Variants in ANO3 observed in about 807,000 individuals in gnomAD.
The protein encoded by ANO3 is anoctamin-3.
A neutral mutation model predicts 144.8 loss-of-function variants in ANO3; 99 were observed. The observed-to-expected ratio is 0.68, with a 90% CI of 0.58 to 0.81. The LOEUF is 0.81. Ranked by LOEUF, ANO3 falls within the 30% of genes least tolerant of loss-of-function variation. The probability of loss-of-function intolerance (pLI) is 0.00; values close to 1 mark genes in which losing one functional copy is unlikely to be tolerated. For synonymous variants in ANO3, 414 were observed against 392.6 expected, an observed-to-expected ratio of 1.05 and a Z score of -0.64; for missense variants, 905 against 1,202.2, an observed-to-expected ratio of 0.75 and a Z score of 3.66.
intron 1 of ANO3, among the ~76,000 whole-genome samples, chr11:26,422,567 T>G (rs796350785): frequency 4.6e-5 from 7 of 152,140 alleles, no homozygotes; most frequent in African/African-American, 1.7e-4. Flanking sequence ...GTTCTGCATG[T>G]AAGAAAGGAC....
intron 17 of ANO3, among the ~76,000 whole-genome samples, chr11:26,614,290 A>G (rs2132976869): frequency 6.6e-6 from 1 of 152,306 alleles, no homozygotes; most frequent in Admixed American, 6.5e-5. Flanking sequence ...CTGTTCAGCC[A>G]CTTTCCTGCT....
At chr11:26,523,448 A>G (rs1374632609) in intron 6 of ANO3, among the ~76,000 whole-genome samples, 1 of 152,206 alleles carries the variant, frequency 6.6e-6, no homozygotes, top group African/African-American at 2.4e-5. Context: ...TCTCACAGAA[A>G]TGGACAGGGG....
intron 1 of ANO3, among the ~76,000 whole-genome samples, chr11:26,318,095 C>G (rs907337634): frequency 6.6e-6 from 1 of 152,016 alleles, no homozygotes; most frequent in Non-Finnish European, 1.5e-5. Context: ...ACATCACACA[C>G]CAGGGCCTGT....
intron 4 of ANO3, among the ~76,000 whole-genome samples, chr11:26,504,676 G>A (rs960317811): frequency 3.3e-5 from 5 of 152,138 alleles, no homozygotes; most frequent in African/African-American, 4.8e-5. Context: ...CTATAATGTC[G>A]AGAATCATTG....
At chr11:26,363,316 C>T (rs1199980601) in intron 1 of ANO3, among the ~76,000 whole-genome samples, 1 of 152,064 alleles carries the variant, frequency 6.6e-6, no homozygotes, top group South Asian at 2.1e-4. Flanking sequence ...TTAGAGATGC[C>T]ATAACAAAAT....
intron 1 of ANO3, among the ~76,000 whole-genome samples, chr11:26,267,585 G>A (rs1204718465): frequency 1.3e-5 from 2 of 152,114 alleles, no homozygotes; most frequent in Non-Finnish European, 2.9e-5. Flanking sequence ...ATCACTATCA[G>A]CTAAGAGAGT....
intron 17 of ANO3, among the ~76,000 whole-genome samples, chr11:26,624,252 AC>A (rs1213672998): frequency 6.6e-6 from 1 of 152,266 alleles, no homozygotes; most frequent in Non-Finnish European, 1.5e-5. Flanking sequence ...ATATACGTGT[AC>A]ACACATTTAC....
At chr11:26,213,175 C>T (rs774413354) in intron 1 of ANO3, among the ~76,000 whole-genome samples, 10 of 152,122 alleles carry the variant, frequency 6.6e-5, no homozygotes, top group Non-Finnish European at 1.0e-4. Context: ...CAGCCAGTAT[C>T]ATACTAAATG....
chr11:26,356,655 T>C (rs1590288000), intron 1 of ANO3, among the ~76,000 whole-genome samples: 1 of 152,358 alleles, frequency 6.6e-6, no homozygotes, highest in South Asian at 2.1e-4. Flanking sequence ...CACAAATTAG[T>C]GAATTAAACA....
At chr11:26,302,754 GC>G (rs1244481864) in intron 1 of ANO3, among the ~76,000 whole-genome samples, 2 of 152,078 alleles carry the variant, frequency 1.3e-5, no homozygotes, top group Non-Finnish European at 2.9e-5. Flanking sequence ...TATATTTTCA[GC>G]TTTTGTATGG....
intron 9 of ANO3, among the ~76,000 whole-genome samples, chr11:26,537,006 AT>A (rs373049130): frequency 0.065 from 8,167 of 125,426 alleles, 525 homozygotes; most frequent in African/African-American, 0.19. Flanking sequence ...TATCCTTTAA[AT>A]TTTTTTTTTT....
At chr11:26,477,449 CA>C in intron 4 of ANO3, among the ~76,000 whole-genome samples, 1 of 152,210 alleles carries the variant, frequency 6.6e-6, no homozygotes, top group East Asian at 1.9e-4. Flanking sequence ...ATTTAAGTCA[CA>C]TATCACTTCT....
chr11:26,286,290 A>C (rs1853805349), intron 1 of ANO3: 1 of 152,204 alleles, frequency 6.6e-6, no homozygotes, highest in African/African-American at 2.4e-5. Context: ...CATTTAGAGC[A>C]CATGAAATAA....
intron 1 of ANO3, among the ~76,000 whole-genome samples, chr11:26,400,481 G>A (rs72884561): frequency 0.046 from 7,059 of 151,930 alleles, 182 homozygotes; most frequent in African/African-American, 0.06. Context: ...CTTATAACAA[G>A]TTCTAGTGCC....
intron 1 of ANO3, among the ~76,000 whole-genome samples, chr11:26,407,090 A>ATATATATATATATG (rs1399721095): frequency 7.0e-6 from 1 of 143,676 alleles, no homozygotes; most frequent in African/African-American, 2.5e-5. Context: ...ATATATATAT[A>ATATATATATATATG]TATGTATATA....
At chr11:26,248,018 A>G (rs1852838433) in intron 1 of ANO3, among the ~76,000 whole-genome samples, 1 of 151,696 alleles carries the variant, frequency 6.6e-6, no homozygotes, top group Non-Finnish European at 1.5e-5. Context: ...GGCGTGAGCC[A>G]ACATACCTGG....
intron 1 of ANO3, among the ~76,000 whole-genome samples, chr11:26,289,645 CACATATATTCTATAT>C (rs1853901521): frequency 1.3e-5 from 1 of 78,188 alleles, no homozygotes; most frequent in Non-Finnish European, 2.2e-5. Flanking sequence ...TACATATACA[CACATATATTCTATAT>C]GTGTGTATAT....
chr11:26,504,170 T>C (rs1414894191), intron 4 of ANO3, among the ~76,000 whole-genome samples: 2 of 152,358 alleles, frequency 1.3e-5, no homozygotes, highest in African/African-American at 4.8e-5. Flanking sequence ...AAATTGTAAC[T>C]AATTGCGGTG....
At chr11:26,582,189 T>C (rs1441803629) in intron 14 of ANO3, among the ~76,000 whole-genome samples, 1 of 152,226 alleles carries the variant, frequency 6.6e-6, no homozygotes, top group African/African-American at 2.4e-5. Context: ...TCCTGTATGT[T>C]CTGAGGAGCA....
Sources: gnomAD v4.1 joint callset for allele counts (sites outside exome capture counted in the v4.1 genomes callset) on GRCh38, gnomAD v4.1.1 for gene constraint, MANE v1.5 for transcripts, NCBI Gene and HGNC (gene_info 2026-07-23, HGNC 2026-07-21) for gene names.